The following TRMT11 variants were observed in gnomAD, a reference collection of about 807,000 sequenced individuals.
TRMT11 encodes tRNA (guanine(10)-N(2))-methyltransferase TRMT11.
A neutral mutation model predicts 62.8 loss-of-function variants in TRMT11; 53 were observed. The observed-to-expected ratio is 0.84, with a 90% CI of 0.68 to 1.06. The LOEUF (loss-of-function observed/expected upper bound fraction) is 1.06. TRMT11 is among the 50% of genes least tolerant of loss of function. The pLI is 0.00. For synonymous variants in TRMT11, 188 were observed against 190.3 expected (o/e 0.99, Z 0.10); for missense variants, 556 against 553.4 (o/e 1.00, Z -0.05).
At chr6:126,269,370 T>C in the TRMT11 span, among the ~76,000 whole-genome samples, 1 of 149,710 alleles carries the variant, frequency 6.7e-6, no homozygotes, top group African/African-American at 2.5e-5. Context: ...CTATACTGTA[T>C]AAAAAAGACA....
intron 21 of TRMT11, among the ~76,000 whole-genome samples, chr6:126,150,898 C>T (rs899643434): frequency 1.3e-5 from 2 of 152,146 alleles, no homozygotes; most frequent in Non-Finnish European, 2.9e-5. Context: ...TTATTTTTCA[C>T]GTCAGCTTCC....
At chr6:125,991,245 C>CA (rs748622094) in intron 1 of TRMT11, among the ~76,000 whole-genome samples, 15,192 of 131,182 alleles carry the variant, frequency 0.12, 2,698 homozygotes, top group African/African-American at 0.39. Context: ...GACTCCATCT[C>CA]AAAAAAAAAA....
At chr6:126,172,594 AT>A (rs916346577), upstream of TRMT11, among the ~76,000 whole-genome samples, 49 of 151,436 alleles carry the variant, frequency 3.2e-4, no homozygotes, top group African/African-American at 1.1e-3. Context: ...CTTCAAGTGT[AT>A]TTTTTTTTCT....
chr6:126,178,062 T>C (rs993528693), intron 1 of TRMT11, among the ~76,000 whole-genome samples: 1 of 152,244 alleles, frequency 6.6e-6, no homozygotes, highest in Non-Finnish European at 1.5e-5. Flanking sequence ...AGCGATCTTA[T>C]GTTTTCAGAA....
At chr6:126,211,578 C>T in the TRMT11 span, among the ~76,000 whole-genome samples, 2 of 151,696 alleles carry the variant, frequency 1.3e-5, no homozygotes, top group African/African-American at 4.8e-5. Flanking sequence ...ATATGCAGAC[C>T]TCTGTCACTT....
intron 17 of TRMT11, among the ~76,000 whole-genome samples, chr6:126,108,343 A>G (rs541277021): frequency 4.6e-5 from 7 of 152,172 alleles, no homozygotes; most frequent in Non-Finnish European, 1.0e-4. Flanking sequence ...TGCCTTTGTG[A>G]TGTGAACTCA....
At chr6:126,172,784 A>G (rs1206889407), upstream of TRMT11, among the ~76,000 whole-genome samples, 1 of 152,206 alleles carries the variant, frequency 6.6e-6, no homozygotes, top group Non-Finnish European at 1.5e-5. Context: ...TCACTGTTTC[A>G]TAAGTTTTTA....
At chr6:126,093,135 C>T (rs1777295302) in intron 17 of TRMT11, among the ~76,000 whole-genome samples, 2 of 152,214 alleles carry the variant, frequency 1.3e-5, no homozygotes, top group Admixed American at 6.5e-5. Flanking sequence ...TAAATTATTT[C>T]CTTCCAAGTC....
chr6:126,183,473 A>G (rs1486203365), intron 1 of TRMT11, among the ~76,000 whole-genome samples: 1 of 152,184 alleles, frequency 6.6e-6, no homozygotes, highest in Non-Finnish European at 1.5e-5. Flanking sequence ...GTAGGTCCCC[A>G]AAGTGTGCAG....
intron 16 of TRMT11, among the ~76,000 whole-genome samples, chr6:126,053,084 G>C (rs2128111550): frequency 6.6e-6 from 1 of 152,172 alleles, no homozygotes; most frequent in East Asian, 1.9e-4. Flanking sequence ...AGTGTACCAA[G>C]TTCATCTCTG....
chr6:126,193,164 G>A (rs1181018350), intron 1 of TRMT11, among the ~76,000 whole-genome samples: 1 of 151,916 alleles, frequency 6.6e-6, no homozygotes, highest in Non-Finnish European at 1.5e-5. Context: ...ATCCTGGTAG[G>A]TTGTATTTTT....
intron 17 of TRMT11, among the ~76,000 whole-genome samples, chr6:126,095,542 A>G (rs186361577): frequency 1.1e-4 from 17 of 152,244 alleles, no homozygotes; most frequent in African/African-American, 3.9e-4. Flanking sequence ...TTGGCTTTCA[A>G]TGTAGATCAC....
intron 12 of TRMT11, among the ~76,000 whole-genome samples, chr6:126,030,341 G>A (rs2037340523): frequency 1.3e-5 from 2 of 152,158 alleles, no homozygotes; most frequent in African/African-American, 4.8e-5. Flanking sequence ...GCTGAACTGA[G>A]CCCCGTTATA....
the TRMT11 span, among the ~76,000 whole-genome samples, chr6:126,257,518 A>T: frequency 6.6e-6 from 1 of 152,300 alleles, no homozygotes; most frequent in African/African-American, 2.4e-5. Flanking sequence ...CTGGCCTGAT[A>T]AAATGAGTTT....
At chr6:126,097,282 G>T (rs1777351499) in intron 17 of TRMT11, among the ~76,000 whole-genome samples, 1 of 152,098 alleles carries the variant, frequency 6.6e-6, no homozygotes, top group African/African-American at 2.4e-5. Context: ...CTGTTTATCA[G>T]CATTGTTGGA....
At chr6:126,128,893 C>T (rs1044384302) in intron 21 of TRMT11, among the ~76,000 whole-genome samples, 2 of 149,668 alleles carry the variant, frequency 1.3e-5, no homozygotes, top group Non-Finnish European at 3.0e-5. Context: ...GAAAATGCAC[C>T]TAAAAGGATT....
At chr6:126,180,590 A>G (rs1279911365) in intron 1 of TRMT11, among the ~76,000 whole-genome samples, 1 of 152,206 alleles carries the variant, frequency 6.6e-6, no homozygotes, top group African/African-American at 2.4e-5. Context: ...AGAAGGTAGT[A>G]AGTTTAGGTC....
At chr6:126,147,986 T>C (rs929255669) in intron 21 of TRMT11, among the ~76,000 whole-genome samples, 9 of 152,116 alleles carry the variant, frequency 5.9e-5, no homozygotes, top group Non-Finnish European at 1.2e-4. Flanking sequence ...CCATGGCACA[T>C]GTATACTTAT....
the TRMT11 span, among the ~76,000 whole-genome samples, chr6:126,242,613 C>G: frequency 6.6e-6 from 1 of 152,018 alleles, no homozygotes; most frequent in Non-Finnish European, 1.5e-5. Context: ...AGAACAGAGC[C>G]CTCAGAAATA....
Sources: gnomAD v4.1 joint callset for allele counts (sites outside exome capture counted in the v4.1 genomes callset) on GRCh38, gnomAD v4.1.1 for gene constraint, MANE v1.5 for transcripts, NCBI Gene and HGNC (gene_info 2026-07-23, HGNC 2026-07-21) for gene names.